Variants in TRANK1 observed in about 807,000 individuals in gnomAD.
The protein encoded by TRANK1 is TPR and ankyrin repeat-containing protein 1.
Under a neutral mutation model 266.0 loss-of-function variants are expected in TRANK1, and 198 were observed. The observed-to-expected ratio is 0.74, with a 90% CI of 0.66 to 0.84. The LOEUF is 0.84. Among genes scored for constraint, TRANK1 ranks in the 40% least tolerant of loss-of-function variants. TRANK1 has a pLI of 0.00. For synonymous variants in TRANK1, 1,396 were observed against 1,384.1 expected (o/e 1.01, Z -0.19); for missense variants, 3,326 against 3,634.6 (o/e 0.92, Z 2.18).
chr3:36,862,986 C>G (rs368728202), intron 10 of TRANK1, among the ~76,000 whole-genome samples: 31 of 151,524 alleles, frequency 2.0e-4, no homozygotes, highest in African/African-American at 7.5e-4. Context: ...GCCTACCCTA[C>G]GGCCAGTTAA....
chr3:36,898,964 T>C, intron 4 of TRANK1, 145 bp downstream of exon 4: 1 of 839,098 alleles, frequency 1.2e-6, no homozygotes, highest in Non-Finnish European at 1.8e-6. Flanking sequence ...AAATGCTTTC[T>C]AATGTGTGAA....
chr3:36,941,886 G>A (rs557761616), intron 1 of TRANK1, among the ~76,000 whole-genome samples: 21 of 152,276 alleles, frequency 1.4e-4, no homozygotes, highest in South Asian at 4.1e-4. Context: ...CGGTCACTCT[G>A]AGGGCAAAGC....
intron 1 of TRANK1, among the ~76,000 whole-genome samples, chr3:36,913,030 T>TTGTGTGTGTGTGTGTGTGTGTG (rs10633466): frequency 2.2e-4 from 31 of 144,066 alleles, no homozygotes; most frequent in African/African-American, 8.1e-4. Flanking sequence ...TATGTCTCTT[T>TTGTGTGTGTGTGTGTGTGTGTG]TGTGTGTGTG....
intron 8 of TRANK1, among the ~76,000 whole-genome samples, chr3:36,888,867 G>A (rs1486669651): frequency 6.6e-6 from 1 of 152,142 alleles, no homozygotes; most frequent in Non-Finnish European, 1.5e-5. Flanking sequence ...GAACAGCCTG[G>A]CCAACAGAGC....
chr3:36,838,333 CCA>C, intron 20 of TRANK1, 37 bp downstream of exon 20: 1 of 1,609,888 alleles, frequency 6.2e-7, no homozygotes, highest in Non-Finnish European at 8.5e-7. Context: ...CAAGTGAAGC[CCA>C]GTTTTCCCTG....
In TRANK1 at chr3:36,916,794, GTTTTTTTTGTTT is replaced by G. The variant is rs1438870352; in HGVS notation, c.24-8352_24-8341del. The stretch of plus-strand genomic sequence containing the variant: ...TTTGGTTTCAAATATAAATGTATGG[GTTTTTTTTGTTT>G]TTTTTTTTGTTTTTTGTTTTTTTGA... On this transcript the variant is annotated intron_variant, in intron 1 of 23. Transcript: ENST00000645898. Among the ~76,000 whole-genome samples the G allele has an allele frequency of 1.6e-3, 245 of 150,324 alleles. 1 individual carries two copies. Among genetic ancestry groups the G allele is most frequent in the African/African-American group, 6.0e-3 (244 of 40,654 alleles).
intron 7 of TRANK1, among the ~76,000 whole-genome samples, chr3:36,890,440 C>A (rs764179155): frequency 3.3e-5 from 5 of 152,110 alleles, no homozygotes; most frequent in Admixed American, 1.3e-4. Context: ...CCATGTCAGT[C>A]AATCAAGAGC....
chr3:36,869,402 T>C (rs1209899501), intron 9 of TRANK1, among the ~76,000 whole-genome samples: 1 of 152,238 alleles, frequency 6.6e-6, no homozygotes, highest in Non-Finnish European at 1.5e-5. Flanking sequence ...AGGGAGAAAG[T>C]ATCTTTCATC....
At chr3:36,943,629 G>A (rs1271660913) in intron 1 of TRANK1, among the ~76,000 whole-genome samples, 1 of 150,924 alleles carries the variant, frequency 6.6e-6, no homozygotes, top group Non-Finnish European at 1.5e-5. Context: ...CACACACACC[G>A]TAGTACTTTT....
intron 9 of TRANK1, among the ~76,000 whole-genome samples, chr3:36,867,975 T>C (rs1261040666): frequency 6.6e-6 from 1 of 152,174 alleles, no homozygotes; most frequent in Non-Finnish European, 1.5e-5. Flanking sequence ...GTACGATAGG[T>C]GAACTCACAT....
At chr3:36,927,413 GC>G (rs1259606202) in intron 1 of TRANK1, among the ~76,000 whole-genome samples, 5 of 152,204 alleles carry the variant, frequency 3.3e-5, no homozygotes, top group African/African-American at 1.2e-4. Flanking sequence ...AGGACACATA[GC>G]CCTCCTGCAC....
At chr3:36,923,507 C>T (rs1042504641) in intron 1 of TRANK1, among the ~76,000 whole-genome samples, 1 of 152,132 alleles carries the variant, frequency 6.6e-6, no homozygotes, top group African/African-American at 2.4e-5. Flanking sequence ...CCACCTGCCT[C>T]GGCATCCCAA....
At chr3:36,858,944 C>T (rs1488899706) in intron 11 of TRANK1, 50 bp from the exon 12 acceptor site, 18 of 1,461,696 alleles carry the variant, frequency 1.2e-5, no homozygotes, top group Admixed American at 4.8e-5. Context: ...CAGCCTGGCT[C>T]GCCTGACGAG....
At chr3:36,918,503 GAAAGAAAGAAAGAAAGAAAGAAA>G (rs1559473155) in intron 1 of TRANK1, among the ~76,000 whole-genome samples, 53 of 39,312 alleles carry the variant, frequency 1.3e-3, no homozygotes, top group African/African-American at 2.0e-3. Context: ...AAGAAAGAAA[GAAAGAAAGAAAGAAAGAAAGAAA>G]GAAAGAAGGA....
In TRANK1 at chr3:36,889,824, C is replaced by T; in HGVS notation, c.907+5G>A. On this transcript the variant is annotated splice_donor_5th_base_variant and intron_variant, in intron 8 of 23. Transcript: ENST00000645898. The stretch of plus-strand genomic sequence containing the variant: ...GCGCACCCTCTGGGTAATGCCACTA[C>T]TCACGCTTAACGAGGTATCCTGGGG... The T allele has an allele frequency of 6.5e-7, 1 of 1,533,626 alleles. No individual in the cohort carries two copies.
chr3:36,859,159 C>T (rs1471022572), intron 11 of TRANK1, among the ~76,000 whole-genome samples: 1 of 152,184 alleles, frequency 6.6e-6, no homozygotes, highest in East Asian at 1.9e-4. Context: ...TAGTTCCCAC[C>T]ATTCCCACTG....
In TRANK1 at chr3:36,832,625, C is replaced by A. The variant is rs375988514; in HGVS notation, c.6958G>T (p.Ala2320Ser). 1.9e-6 allele frequency: 3 copies of A among 1,613,930 alleles called. No individual in the cohort carries two copies. Among genetic ancestry groups the A allele is most frequent in the Admixed American group, 1.7e-5 (1 of 60,012 alleles). ...YIHFLFENES[A>S]RNRRESTDLW... ...TCTGTGGATTCCCGGCGGTTGCGTG[C>A]GCTTTCATTTTCAAACAGAAAGTGG... Residue 2320 changes from alanine to serine, a missense_variant, in exon 22 of 24, where the codon GCA becomes TCA. By Grantham distance (99) the Ala-to-Ser change is moderately conservative (BLOSUM62 1). Coordinates refer to ENST00000645898, the MANE Select transcript of TRANK1 (RefSeq NM_001329998.2).
intron 1 of TRANK1, among the ~76,000 whole-genome samples, chr3:36,939,544 C>T (rs2080468842): frequency 6.6e-6 from 1 of 152,150 alleles, no homozygotes; most frequent in Non-Finnish European, 1.5e-5. Flanking sequence ...GTGGTAAATT[C>T]ACTTAATTTC....
At chr3:36,847,994 A>AT (rs141461299) in intron 15 of TRANK1, among the ~76,000 whole-genome samples, 1 of 152,188 alleles carries the variant, frequency 6.6e-6, no homozygotes, top group South Asian at 2.1e-4. Flanking sequence ...CATTTTACCC[A>AT]TTTTTTTCCT....
Sources: gnomAD v4.1 joint callset for allele counts (sites outside exome capture counted in the v4.1 genomes callset) on GRCh38, gnomAD v4.1.1 for gene constraint, MANE v1.5 for transcripts, NCBI Gene and HGNC (gene_info 2026-07-23, HGNC 2026-07-21) for gene names.